OR51B5: variants seen among roughly 807,000 people sequenced by gnomAD.
OR51B5 encodes the protein olfactory receptor 51B5.
For synonymous variants in OR51B5, 186 were observed against 144.8 expected (o/e 1.28, Z -2.04); for missense variants, 456 against 374.6 (o/e 1.22, Z -1.79).
At chr11:5,349,135 G>A (rs753219854) in intron 1 of OR51B5, among the ~76,000 whole-genome samples, 6 of 152,104 alleles carry the variant, frequency 3.9e-5, no homozygotes, top group African/African-American at 1.4e-4. Flanking sequence ...TGGCTGCAGG[G>A]ATGAGGCAAA....
intron 1 of OR51B5, among the ~76,000 whole-genome samples, chr11:5,435,704 A>G (rs1850583046): frequency 6.6e-6 from 1 of 152,098 alleles, no homozygotes; most frequent in Admixed American, 6.5e-5. Context: ...CTGACTTTTA[A>G]TTTCTGCACC....
At chr11:5,342,958 A>G (rs1395446798) in exon 1 of OR51B5, 2 of 1,613,964 alleles carry the variant, frequency 1.2e-6, no homozygotes, top group Non-Finnish European at 1.7e-6. Context: ...TGAAGGTGGT[A>G]TCAGCACAGG....
intron 1 of OR51B5, chr11:5,389,261 G>A (rs1849751115): frequency 2.4e-6 from 2 of 835,950 alleles, no homozygotes; most frequent in Admixed American, 4.6e-5. Context: ...AGTGAGATTG[G>A]CAGAATTCAT....
intron 1 of OR51B5, among the ~76,000 whole-genome samples, chr11:5,368,433 G>A (rs558644448): frequency 6.6e-6 from 1 of 151,002 alleles, no homozygotes; most frequent in African/African-American, 2.4e-5. Context: ...AATAGTGCCT[G>A]GTCCATTGTA....
intron 1 of OR51B5, among the ~76,000 whole-genome samples, chr11:5,360,678 A>C (rs558287855): frequency 6.6e-6 from 1 of 152,156 alleles, no homozygotes; most frequent in South Asian, 2.1e-4. Flanking sequence ...GCTGCTATAA[A>C]GACACATGCA....
At chr11:5,400,272 CTATT>C (rs1849946587) in intron 1 of OR51B5, among the ~76,000 whole-genome samples, 1 of 151,834 alleles carries the variant, frequency 6.6e-6, no homozygotes. Flanking sequence ...TGTATTTAGT[CTATT>C]TAGTCAGGCA....
At chr11:5,445,880 G>C (rs149219629) in intron 1 of OR51B5, among the ~76,000 whole-genome samples, 3 of 151,902 alleles carry the variant, frequency 2.0e-5, no homozygotes, top group African/African-American at 7.2e-5. Context: ...TAAACTAGTA[G>C]AAAGATGGAT....
intron 1 of OR51B5, chr11:5,403,100 G>A (rs773135109): frequency 3.4e-5 from 16 of 471,454 alleles, no homozygotes; most frequent in Non-Finnish European, 5.3e-5. Flanking sequence ...CTCTTATGGC[G>A]TCTGCCCTTC....
intron 1 of OR51B5, among the ~76,000 whole-genome samples, chr11:5,378,770 T>C (rs1449362500): frequency 1.3e-5 from 2 of 151,810 alleles, no homozygotes; most frequent in Non-Finnish European, 2.9e-5. Flanking sequence ...AGATACCATC[T>C]CATACCAGTT....
intron 1 of OR51B5, among the ~76,000 whole-genome samples, chr11:5,450,454 A>C (rs763022779): frequency 2.0e-5 from 3 of 152,090 alleles, no homozygotes; most frequent in Admixed American, 6.5e-5. Context: ...AAAGAAATAG[A>C]TATTTCTACG....
At chr11:5,467,645 T>G (rs1375886243) in intron 1 of OR51B5, among the ~76,000 whole-genome samples, 1 of 152,242 alleles carries the variant, frequency 6.6e-6, no homozygotes, top group East Asian at 1.9e-4. Flanking sequence ...TTTCTTTCTT[T>G]GTGGCTTTCT....
In OR51B5 at chr11:5,362,573, G is replaced by A. The variant is rs865988766; in HGVS notation, n.85-15663C>T. ...AAGCAAAAGATAAGAAATAACAGAA[G>A]TCTTCTGGTGGCAGAGTGGTGGCTT... is the stretch of plus-strand genomic sequence containing the variant. On this transcript the variant is annotated intron_variant and non_coding_transcript_variant, in intron 1 of 4. Transcript: ENST00000415970. The A allele has an allele frequency of 2.3e-4, 37 of 164,404 alleles. 1 individual carries two copies. The highest frequency in any genetic ancestry group is 3.6e-4 in the South Asian group (2 of 5,594). 10.2% of individuals were successfully genotyped at this position (164,404 alleles called of 1,614,324 possible).
intron 1 of OR51B5, among the ~76,000 whole-genome samples, chr11:5,374,745 G>C (rs1468028850): frequency 2.6e-5 from 4 of 152,246 alleles, no homozygotes; most frequent in African/African-American, 9.6e-5. Flanking sequence ...GATGGAAGAT[G>C]AAATAAATGA....
At chr11:5,399,765 CA>C (rs35778548) in intron 1 of OR51B5, among the ~76,000 whole-genome samples, 26,731 of 143,126 alleles carry the variant, frequency 0.19, 3,267 homozygotes, top group African/African-American at 0.38. Flanking sequence ...GAGAAGGATG[CA>C]AAAAAAAAAA....
At chr11:5,501,321 GT>G (rs760786863) in intron 1 of OR51B5, among the ~76,000 whole-genome samples, 2 of 147,936 alleles carry the variant, frequency 1.4e-5, no homozygotes, top group Admixed American at 7.0e-5. Context: ...TTTTTGCTTT[GT>G]TTCCTGTGTC....
Position 5,477,373 on chromosome 11 carries a change from C to T in OR51B5, n.84+28196G>A, listed in dbSNP as rs550919722. On this transcript the variant is annotated intron_variant and non_coding_transcript_variant, in intron 1 of 4. Transcript: ENST00000415970. ...GAACCAGTGGGCACCACAATCCTAC[C>T]GGTCACCTTGAGGCTCACCTCCTTG... Among the ~76,000 whole-genome samples the T allele has an allele frequency of 1.3e-3, 201 of 152,254 alleles. 7 individuals are homozygous for T. In the South Asian group the frequency reaches 0.04, roughly 30 times the overall value.
chr11:5,367,666 G>A (rs916523005), intron 1 of OR51B5, among the ~76,000 whole-genome samples: 4 of 152,048 alleles, frequency 2.6e-5, no homozygotes, highest in African/African-American at 9.7e-5. Context: ...ATCTCATCCT[G>A]TGACTGAGAA....
intron 1 of OR51B5, among the ~76,000 whole-genome samples, chr11:5,413,025 G>A (rs1850174856): frequency 1.1e-5 from 1 of 87,834 alleles, no homozygotes; most frequent in African/African-American, 3.1e-5. Context: ...AGCCTTACTG[G>A]GAGGCACCCC....
intron 1 of OR51B5, among the ~76,000 whole-genome samples, chr11:5,368,854 A>G (rs1248414252): frequency 1.3e-5 from 2 of 152,166 alleles, no homozygotes; most frequent in East Asian, 3.8e-4. Flanking sequence ...AGATGTTGGA[A>G]TTTACACCAT....
Sources: allele counts gnomAD v4.1 joint callset (sites outside exome capture counted in the v4.1 genomes callset), GRCh38; gene constraint gnomAD v4.1.1; transcripts MANE v1.5; gene names NCBI Gene and HGNC (gene_info 2026-07-23, HGNC 2026-07-21).